The following TCN2 variants were observed in gnomAD, a reference collection of about 807,000 sequenced individuals.
TCN2 encodes the protein transcobalamin 2.
A neutral mutation model predicts 48.6 loss-of-function variants in TCN2; 34 were observed. The ratio of observed to expected loss-of-function variants is 0.70; its 90% CI spans 0.53 to 0.93. The LOEUF (loss-of-function observed/expected upper bound fraction) is 0.93. Ranked by LOEUF, TCN2 falls within the 40% of genes least tolerant of loss-of-function variation. The probability of loss-of-function intolerance (pLI) is 0.00; values close to 1 mark genes in which losing one functional copy is unlikely to be tolerated. For synonymous variants in TCN2, 283 were observed against 212.5 expected (o/e 1.33, Z -2.89); for missense variants, 652 against 526.1 (o/e 1.24, Z -2.34).
Position 30,626,526 on chromosome 22 carries a change from T to C in TCN2, c.*5T>C. On this transcript the variant is annotated 3_prime_UTR_variant, in exon 9 of 9. Transcript: ENST00000215838. ...CTGAGGCTGGTTAGCTGGTAGCCCCTGAGCTCCCTCATCCCAGCAGCCTCG... is the reference window on the plus strand; with the variant it reads ...CTGAGGCTGGTTAGCTGGTAGCCCCCGAGCTCCCTCATCCCAGCAGCCTCG... The C allele has an allele frequency of 6.2e-7, 1 of 1,614,076 alleles. No individual in the cohort carries two copies. The highest frequency in any genetic ancestry group is 8.5e-7 in the Non-Finnish European group (1 of 1,180,020).
rs775723836 is a variant in TCN2, at chr22:30,623,709, TATACAG to T, written c.1222+628_1222+633del. ...TATACATATATATGAAATATATATA[TATACAG>T]ACACACATATATATGTATACATATA... On this transcript the variant is annotated intron_variant, in intron 8 of 8. Coordinates refer to ENST00000215838, the MANE Select transcript of TCN2 (RefSeq NM_000355.4). 5.7e-3 allele frequency among the ~76,000 whole-genome samples: 761 copies of T among 134,368 alleles called. 23 individuals carry two copies. Among genetic ancestry groups the T allele is most frequent in the Admixed American group, 0.02 (256 of 12,830 alleles). 88.2% of individuals were successfully genotyped at this position (134,368 alleles called of 152,430 possible). A position where few individuals can be genotyped will look rare whatever the true frequency, so the allele number is the denominator to read the frequency against.
rs1426395129 is a variant in TCN2 at position 30,626,512 on chromosome 22, T to G, written c.1275T>G (p.Val425=). ...KDGETIELRL[V]SW ...GAGAAACCATTGAGCTGAGGCTGGT[T>G]AGCTGGTAGCCCCTGAGCTCCCTCA... is the stretch of plus-strand genomic sequence containing the variant. The change falls in exon 9 of 9, where the codon GTT becomes GTG. Residue 425 remains valine (V), a synonymous_variant. Coordinates refer to ENST00000215838, the MANE Select transcript of TCN2 (RefSeq NM_000355.4). The G allele has an allele frequency of 6.2e-7, 1 of 1,614,126 alleles. No homozygotes were observed. The highest frequency in any genetic ancestry group is 1.7e-5 in the Admixed American group (1 of 60,022).
Position 30,623,813 on chromosome 22 carries a change from TAC to T in TCN2, c.1222+738_1222+739del, listed in dbSNP as rs1350280322. On this transcript the variant is annotated intron_variant, in intron 8 of 8. Coordinates refer to ENST00000215838, the MANE Select transcript of TCN2 (RefSeq NM_000355.4). ...ACATATATACACACATACACATATA[TAC>T]ACACACATACACACACATATACACA... 9.5e-4 allele frequency among the ~76,000 whole-genome samples: 51 copies of T among 53,950 alleles called. 14 individuals carry two copies. Among genetic ancestry groups the T allele is most frequent in the Middle Eastern group, 0.018 (2 of 112 alleles). 35.4% of individuals were successfully genotyped at this position (53,950 alleles called of 152,430 possible).
At chr22:30,615,167 T>C in intron 4 of TCN2, 134 bp from the exon 5 acceptor site, 2 of 897,696 alleles carry the variant, frequency 2.2e-6, no homozygotes, top group South Asian at 1.4e-5. Flanking sequence ...CCTTAGCTGA[T>C]CTGACCATGT....
intron 3 of TCN2, among the ~76,000 whole-genome samples, chr22:30,613,819 C>T (rs764618039): frequency 2.0e-5 from 3 of 152,128 alleles, no homozygotes; most frequent in Non-Finnish European, 2.9e-5. Context: ...CTACCCTTAC[C>T]TTCTGCCCAG....
chr22:30,615,641 C>T lies in TCN2; in HGVS notation c.794C>T (p.Thr265Ile). 1.2e-6 allele frequency: 2 copies of T among 1,614,174 alleles called. No individual in the cohort carries two copies. Among genetic ancestry groups the T allele is most frequent in the Non-Finnish European group, 8.5e-7 (1 of 1,180,032 alleles). ...TSPMRGAELGTACLKARVALL... is the reference protein window; with the variant it reads ...TSPMRGAELGIACLKARVALL... Reference sequence around the variant, plus strand: ...CCCATGCGTGGGGCAGAACTGGGAACAGCATGTCTCAAGGCGAGGGTTGCT... The same window carrying T: ...CCCATGCGTGGGGCAGAACTGGGAATAGCATGTCTCAAGGCGAGGGTTGCT... Residue 265 changes from threonine to isoleucine, a missense_variant, in exon 6 of 9, where the codon ACA becomes ATA. Thr to Ile is a moderately conservative substitution (Grantham distance 89). Transcript: ENST00000215838.
chr22:30,607,487 T>C, intron 1 of TCN2, 92 bp downstream of exon 1: 1 of 1,392,670 alleles, frequency 7.2e-7, no homozygotes, highest in East Asian at 2.3e-5. Context: ...CCTGCCCTTC[T>C]AAGCTCCCAT....
In TCN2 at chr22:30,610,459, A is replaced by G. The variant is rs534167559; in HGVS notation, c.65-412A>G. On this transcript the variant is annotated intron_variant, in intron 1 of 8. Coordinates refer to ENST00000215838, the MANE Select transcript of TCN2 (RefSeq NM_000355.4). ...TTGGCTCTGCAGCCTTGTGTAAGAC[A>G]TGACACGACTTTGAACTTCTGTTTC... 5 of 373,130 alleles carry G rather than the reference A, an allele frequency of 1.3e-5. No individual in the cohort carries two copies. In the East Asian group the frequency reaches 2.1e-4, roughly 16 times the overall value. 23.1% of individuals were successfully genotyped at this position (373,130 alleles called of 1,614,324 possible).
intron 1 of TCN2, among the ~76,000 whole-genome samples, chr22:30,608,030 T>A (rs72556572): frequency 2.6e-5 from 4 of 152,136 alleles, no homozygotes; most frequent in African/African-American, 9.7e-5. Flanking sequence ...TCCTGCCTGC[T>A]CCAGCTCTGT....
intron 7 of TCN2, among the ~76,000 whole-genome samples, chr22:30,621,656 G>T (rs1555895919): frequency 2.0e-5 from 3 of 152,120 alleles, no homozygotes; most frequent in Non-Finnish European, 4.4e-5. Flanking sequence ...CCTAATTTTT[G>T]TATTATTAGT....
In TCN2 at chr22:30,607,318, C is replaced by CA; in HGVS notation, c.-13dup. On this transcript the variant is annotated 5_prime_UTR_variant, in exon 1 of 9. Coordinates refer to ENST00000215838, the MANE Select transcript of TCN2 (RefSeq NM_000355.4). Reference sequence around the variant, plus strand: ...TCCCGATTCTTGCTCACTGCTCACCCACCTGCTGCTGCCATGAGGCACCTT... The same window carrying CA: ...TCCCGATTCTTGCTCACTGCTCACCCAACCTGCTGCTGCCATGAGGCACCTT... 1 of 1,614,146 alleles carries CA rather than the reference C, an allele frequency of 6.2e-7. No individual in the cohort carries two copies. Among genetic ancestry groups the CA allele is most frequent in the East Asian group, 2.2e-5 (1 of 44,864 alleles).
intron 7 of TCN2, among the ~76,000 whole-genome samples, chr22:30,620,376 A>G (rs950243908): frequency 3.3e-5 from 5 of 152,234 alleles, no homozygotes; most frequent in Non-Finnish European, 7.3e-5. Context: ...AAGTATAAAA[A>G]CCAATACCAT....
At chr22:30,623,293 T>TAA in intron 8 of TCN2, 1 of 477,480 alleles carries the variant, frequency 2.1e-6, no homozygotes, top group Non-Finnish European at 3.7e-6. Context: ...ACCAGACAGA[T>TAA]TACAAAAAAA....
chr22:30,615,556 C>T (rs897472947), intron 5 of TCN2, 45 bp from the exon 6 acceptor site: 3 of 1,613,816 alleles, frequency 1.9e-6, no homozygotes, highest in Admixed American at 1.7e-5. Context: ...CCTAGCCCCT[C>T]CCTGCCGGCT....
At chr22:30,608,701 C>T (rs925206809) in intron 1 of TCN2, among the ~76,000 whole-genome samples, 1 of 152,016 alleles carries the variant, frequency 6.6e-6, no homozygotes, top group African/African-American at 2.4e-5. Context: ...GAACTCCAAG[C>T]CTCTCATCTG....
At chr22:30,617,665 G>A in intron 7 of TCN2, 170 bp downstream of exon 7, 2 of 896,106 alleles carry the variant, frequency 2.2e-6, no homozygotes, top group Non-Finnish European at 3.5e-6. Flanking sequence ...TGGAAACAGG[G>A]AGCCATAGGC....
Position 30,622,969 on chromosome 22 carries a change from T to TA in TCN2, c.1109dup (p.Tyr370Ter). 1 of 1,614,090 alleles carries TA rather than the reference T, an allele frequency of 6.2e-7. No homozygotes were observed. The highest frequency in any genetic ancestry group is 1.1e-5 in the South Asian group (1 of 91,090). Residue 370 changes from tyrosine to a stop codon, truncating the protein, a stop_gained and frameshift_variant and splice_region_variant, in exon 8 of 9, where the codon TAT (tyrosine) becomes TAAT (stop). Coordinates refer to ENST00000215838, the MANE Select transcript of TCN2 (RefSeq NM_000355.4). LOFTEE classifies it high-confidence loss of function. The stretch of plus-strand genomic sequence containing the variant: ...CCCATTTGCCTTTCCCTTCTGTAGA[T>TA]ATGAAACACAGGCCTCCTTGTCAGG... ...KKAHELGGFT[Y>*]ETQASLSGPY... is the part of the protein sequence containing the mutation.
chr22:30,614,180 C>G (rs2087577933), intron 3 of TCN2, among the ~76,000 whole-genome samples, 169 bp from the exon 4 acceptor site: 1 of 152,182 alleles, frequency 6.6e-6, no homozygotes, highest in Non-Finnish European at 1.5e-5. Context: ...AGCACAGTGC[C>G]TGACACACAG....
intron 7 of TCN2, among the ~76,000 whole-genome samples, chr22:30,621,734 T>C (rs1228939167): frequency 6.6e-6 from 1 of 152,190 alleles, no homozygotes; most frequent in Non-Finnish European, 1.5e-5. Flanking sequence ...TCCACCCGCT[T>C]TGGCCTCCCA....
Sources: allele counts gnomAD v4.1 joint callset (sites outside exome capture counted in the v4.1 genomes callset), GRCh38; gene constraint gnomAD v4.1.1; transcripts MANE v1.5; gene names NCBI Gene and HGNC (gene_info 2026-07-23, HGNC 2026-07-21).